KCNN2: variants seen among roughly 807,000 people sequenced by gnomAD.
KCNN2 encodes the protein potassium calcium-activated channel subfamily N member 2.
A neutral mutation model predicts 55.5 loss-of-function variants in KCNN2; 24 were observed. The ratio of observed to expected loss-of-function variants is 0.43; its 90% confidence interval spans 0.31 to 0.61. The LOEUF (loss-of-function observed/expected upper bound fraction) is 0.61. Among genes scored for constraint, KCNN2 ranks in the 20% least tolerant of loss-of-function variants. The probability of loss-of-function intolerance (pLI) is 0.08; values close to 1 mark genes in which losing one functional copy is unlikely to be tolerated. For missense variants in KCNN2, 754 were observed against 853.6 expected, an observed-to-expected ratio of 0.88 and a Z score of 1.45; for synonymous variants, 431 against 336.1, an observed-to-expected ratio of 1.28 and a Z score of -3.09.
At chr5:114,270,278 A>G (rs1022221876) in intron 2 of KCNN2, among the ~76,000 whole-genome samples, 2 of 152,222 alleles carry the variant, frequency 1.3e-5, no homozygotes, top group African/African-American at 2.4e-5. Context: ...GATAAATAAT[A>G]TATTGAAAAT....
chr5:114,311,231 G>C (rs1192418846), intron 2 of KCNN2, among the ~76,000 whole-genome samples: 6 of 152,056 alleles, frequency 3.9e-5, no homozygotes, highest in African/African-American at 1.4e-4. Context: ...ACTTAGTCCA[G>C]ACATATTTCT....
Position 114,405,912 on chromosome 5 carries a change from G to A in KCNN2, c.1637+1056G>A, listed in dbSNP as rs1296177402. On this transcript the variant is annotated intron_variant, in intron 3 of 7. Transcript: ENST00000673685. ...TTTTTAGTAGAGACGGGGTTTCACC[G>A]TGTTAGCTGGGATGGTCTCAATCTC... Among the ~76,000 whole-genome samples, 8 of 151,738 alleles carry A rather than the reference G, an allele frequency of 5.3e-5. No individual in the cohort carries two copies. The South Asian group carries it at 6.2e-4, about 12-fold the overall frequency.
At chr5:114,411,226 CTCT>C (rs1213054269) in intron 3 of KCNN2, among the ~76,000 whole-genome samples, 2 of 152,052 alleles carry the variant, frequency 1.3e-5, no homozygotes, top group Non-Finnish European at 2.9e-5. Context: ...GTCACTAATA[CTCT>C]TCTATGTTGT....
At position 114,262,347 on chromosome 5, in the gene KCNN2, A is replaced by C. The variant is rs1755125260; in HGVS notation, c.-185+40782A>C. Among the ~76,000 whole-genome samples the C allele has an allele frequency of 2.6e-5, 4 of 152,344 alleles. No homozygotes were observed. The South Asian group carries it at 8.3e-4, about 32-fold the overall frequency. On this transcript the variant is annotated intron_variant, in intron 2 of 10. Transcript: ENST00000512097. ...AAAGAAAGAATTCTATCTACAGACC[A>C]GCAACTTAGCAAATTAATGTTTTGG...
intron 2 of KCNN2, among the ~76,000 whole-genome samples, chr5:114,224,454 T>A (rs568009137): frequency 6.6e-6 from 1 of 152,228 alleles, no homozygotes; most frequent in Non-Finnish European, 1.5e-5. Context: ...TCTTTTAAGA[T>A]AGCTTAAATA....
At chr5:114,101,778 G>T (rs1751378485) in intron 1 of KCNN2, among the ~76,000 whole-genome samples, 1 of 152,018 alleles carries the variant, frequency 6.6e-6, no homozygotes, top group Non-Finnish European at 1.5e-5. Flanking sequence ...CCTTTTTATG[G>T]CTGCGTAGTT....
chr5:114,466,041 A>G (rs1761430659), intron 4 of KCNN2, among the ~76,000 whole-genome samples: 1 of 152,120 alleles, frequency 6.6e-6, no homozygotes, highest in Non-Finnish European at 1.5e-5. Flanking sequence ...CCTATGGAGA[A>G]TGTAGAAATT....
chr5:114,457,329 G>A (rs920588409), intron 3 of KCNN2, among the ~76,000 whole-genome samples: 1 of 152,112 alleles, frequency 6.6e-6, no homozygotes, highest in African/African-American at 2.4e-5. Context: ...TTCAATTAAG[G>A]TATATACATT....
chr5:114,163,310 G>A (rs763436755), intron 1 of KCNN2, among the ~76,000 whole-genome samples: 13 of 152,066 alleles, frequency 8.5e-5, no homozygotes, highest in African/African-American at 1.7e-4. Context: ...TGCCCTGGCC[G>A]GAACTTCCAA....
intron 3 of KCNN2, among the ~76,000 whole-genome samples, chr5:114,437,581 TAAA>T (rs1760053061): frequency 6.6e-6 from 1 of 152,068 alleles, no homozygotes; most frequent in African/African-American, 2.4e-5. Flanking sequence ...AAGTAGAAAA[TAAA>T]AAAGTGTTAT....
In KCNN2 at chr5:114,292,285, G is replaced by T. The variant is rs527457763; in HGVS notation, c.-184-68660G>T. On this transcript the variant is annotated intron_variant, in intron 2 of 10. Coordinates refer to the KCNN2 transcript ENST00000512097. ...CTTGTCCATGCCTATGGCCTGAATG[G>T]CATTGCCTAGGTTTTCTTCTAGGGT... 9.8e-5 allele frequency among the ~76,000 whole-genome samples: 15 copies of T among 152,328 alleles called. 1 individual carries two copies. In the South Asian group the frequency reaches 3.1e-3, roughly 32 times the overall value.
At chr5:114,289,962 A>AT (rs1478063009) in intron 2 of KCNN2, among the ~76,000 whole-genome samples, 1 of 151,732 alleles carries the variant, frequency 6.6e-6, no homozygotes, top group African/African-American at 2.4e-5. Flanking sequence ...CCTTTTTTGG[A>AT]TTATTTATTG....
chr5:114,113,378 T>C (rs1028325629), intron 1 of KCNN2, among the ~76,000 whole-genome samples: 1 of 151,982 alleles, frequency 6.6e-6, no homozygotes, highest in Non-Finnish European at 1.5e-5. Context: ...AAGAGCGGTA[T>C]GTAATCACAT....
intron 2 of KCNN2, among the ~76,000 whole-genome samples, chr5:114,240,191 A>G (rs945289469): frequency 6.6e-6 from 1 of 152,044 alleles, no homozygotes; most frequent in Non-Finnish European, 1.5e-5. Context: ...CTCAGTTTAC[A>G]TGGTTTAACA....
chr5:114,081,116 C>T (rs1750808376), intron 1 of KCNN2, among the ~76,000 whole-genome samples: 1 of 152,014 alleles, frequency 6.6e-6, no homozygotes, highest in Non-Finnish European at 1.5e-5. Flanking sequence ...AAGACCTATA[C>T]AATGAAAGTT....
In KCNN2 at chr5:114,316,317, C is replaced by T. The variant is rs149134678; in HGVS notation, c.-184-44628C>T. On this transcript the variant is annotated intron_variant, in intron 2 of 10. Transcript: ENST00000512097. ...AGACAAATAGAAGCAAAACTATTCT[C>T]TTAGAATCAAAGGTCACTGGAGCCC... 2.8e-4 allele frequency among the ~76,000 whole-genome samples: 42 copies of T among 152,270 alleles called. 1 individual carries two copies. Among genetic ancestry groups the T allele is most frequent in the African/African-American group, 9.9e-4 (41 of 41,542 alleles).
chr5:114,320,483 G>A (rs1756594239), intron 2 of KCNN2, among the ~76,000 whole-genome samples: 1 of 151,972 alleles, frequency 6.6e-6, no homozygotes, highest in African/African-American at 2.4e-5. Flanking sequence ...GCCTGATGGT[G>A]GGTACCTGTA....
chr5:114,263,917 C>T lies in KCNN2; in HGVS notation c.-185+42352C>T, dbSNP rs368129854. On this transcript the variant is annotated intron_variant, in intron 2 of 10. Coordinates refer to the KCNN2 transcript ENST00000512097. ...GCTCCATGCAGGATGCTTATTAAGA[C>T]ACCCTTATTCATCCTGAGCTGACCC... Among the ~76,000 whole-genome samples, 3 of 152,266 alleles carry T rather than the reference C, an allele frequency of 2.0e-5. No individual in the cohort carries two copies. In the East Asian group the frequency reaches 5.8e-4, roughly 29 times the overall value.
chr5:114,367,607 A>G (rs921008399), intron 2 of KCNN2, among the ~76,000 whole-genome samples: 2 of 152,140 alleles, frequency 1.3e-5, no homozygotes, highest in Non-Finnish European at 2.9e-5. Flanking sequence ...CTCAAGTCTC[A>G]AGGTCAAATT....
Sources: gnomAD v4.1 joint callset for allele counts (sites outside exome capture counted in the v4.1 genomes callset) on GRCh38, gnomAD v4.1.1 for gene constraint, MANE v1.5 for transcripts, NCBI Gene and HGNC (gene_info 2026-07-23, HGNC 2026-07-21) for gene names.